Variants in ARSF observed in about 807,000 individuals in gnomAD.
ARSF encodes arylsulfatase F.
Under a neutral mutation model 35.4 loss-of-function variants are expected in ARSF, and 33 were observed. The ratio of observed to expected loss-of-function variants is 0.93; its 90% CI spans 0.71 to 1.25. The LOEUF (loss-of-function observed/expected upper bound fraction) is 1.25. Among genes scored for constraint, ARSF ranks in the 50% most tolerant of loss-of-function variants. The pLI is 0.00. For synonymous variants in ARSF, 222 were observed against 193.1 expected (o/e 1.15, Z -1.24); for missense variants, 501 against 480.2 (o/e 1.04, Z -0.40).
At chrX:3,074,374 A>T (rs893484541) in intron 3 of ARSF, among the ~76,000 whole-genome samples, 4 of 111,192 alleles carry the variant, frequency 3.6e-5, no homozygotes, top group Non-Finnish European at 5.7e-5. Flanking sequence ...CTGAAAAAAA[A>T]ATCAGATGCA....
At position 3,084,472 on chromosome X, in the gene ARSF, C is replaced by A. The variant is rs145640489; in HGVS notation, c.636C>A (p.Val212=). The A allele has an allele frequency of 9.3e-4, 1,125 of 1,209,258 alleles. 6 individuals are homozygous for A. In the African/African-American group the frequency reaches 0.017, roughly 18 times the overall value. The part of the protein sequence containing the change: ...TLTFGKLSGW[V]SVPWLLIFSM... ...CCTTTGGGAAGCTGAGCGGCTGGGTCTCTGTTCCCTGGCTCCTGATCTTCT... is the reference window on the plus strand; with the variant it reads ...CCTTTGGGAAGCTGAGCGGCTGGGTATCTGTTCCCTGGCTCCTGATCTTCT... The change falls in exon 6 of 11, where the codon GTC becomes GTA. Residue 212 remains valine, a synonymous_variant. Transcript: ENST00000381127.
intron 1 of ARSF, among the ~76,000 whole-genome samples, chrX:3,046,028 A>G (rs1212480794): frequency 9.1e-6 from 1 of 110,250 alleles, no homozygotes; most frequent in African/African-American, 3.3e-5. Context: ...GATTACAGGC[A>G]TGTGCCACCA....
At chrX:3,059,390 G>A (rs1197029200) in intron 1 of ARSF, among the ~76,000 whole-genome samples, 2 of 111,801 alleles carry the variant, frequency 1.8e-5, no homozygotes, top group Non-Finnish European at 3.8e-5. Flanking sequence ...ACAGAAAACG[G>A]GTGATTTCTG....
intron 1 of ARSF, among the ~76,000 whole-genome samples, chrX:3,056,563 C>T (rs901324288): frequency 1.8e-5 from 2 of 111,200 alleles, no homozygotes; most frequent in Non-Finnish European, 3.8e-5. Context: ...GCATGAGCCA[C>T]CACTCCTGGA....
chrX:3,093,058 C>T (rs55926992), intron 7 of ARSF, among the ~76,000 whole-genome samples: 10,013 of 109,515 alleles, frequency 0.091, 399 homozygotes, highest in African/African-American at 0.13. Flanking sequence ...CCCAGCTACT[C>T]GGGAGGCTGA....
chrX:3,110,107 G>C (rs1219115047), intron 9 of ARSF, 21 bp from the exon 10 acceptor site: 6 of 1,147,339 alleles, frequency 5.2e-6, no homozygotes, highest in Non-Finnish European at 7.0e-6. Context: ...TTCCTTATCT[G>C]CACTGTCTGT....
chrX:3,089,114 C>A (rs1306844536), intron 6 of ARSF, among the ~76,000 whole-genome samples: 3 of 112,086 alleles, frequency 2.7e-5, no homozygotes, highest in Non-Finnish European at 5.6e-5. Context: ...CATCCTGTAA[C>A]AGGATCTGTG....
intron 1 of ARSF, among the ~76,000 whole-genome samples, chrX:3,063,133 T>G (rs1008858520): frequency 2.7e-5 from 3 of 111,982 alleles, no homozygotes. Context: ...ATCCCTGGGA[T>G]GCAAGGCTGG....
Position 3,084,525 on chromosome X carries a change from GCTATGCTTGGTTCT to G in ARSF, c.691_704del (p.Tyr231GlnfsTer26). On this transcript the variant is annotated frameshift_variant, in exon 6 of 11. Transcript: ENST00000381127. LOFTEE classifies it high-confidence loss of function. Reference sequence around the variant, plus strand: ...ATGATTCTGTTTATTTTCCTCTTGGGCTATGCTTGGTTCTCCAGCCACACGTCCCCTTTATACTG... The same window carrying G: ...ATGATTCTGTTTATTTTCCTCTTGGGCCAGCCACACGTCCCCTTTATACTG... The G allele has an allele frequency of 8.3e-7, 1 of 1,211,265 alleles. No individual in the cohort carries two copies. The highest frequency in any genetic ancestry group is 1.1e-6 in the Non-Finnish European group (1 of 895,471).
At chrX:3,095,976 T>G (rs2090336068) in intron 7 of ARSF, among the ~76,000 whole-genome samples, 1 of 108,479 alleles carries the variant, frequency 9.2e-6, no homozygotes, top group South Asian at 3.8e-4. Flanking sequence ...ATAAAACATT[T>G]TTATTATATA....
intron 1 of ARSF, among the ~76,000 whole-genome samples, chrX:3,062,065 C>T (rs773071789): frequency 3.8e-4 from 42 of 111,822 alleles, no homozygotes; most frequent in African/African-American, 1.3e-3. Context: ...AAGCACTCCT[C>T]AGCAAATGTA....
intron 3 of ARSF, among the ~76,000 whole-genome samples, chrX:3,075,398 G>C (rs2090137943): frequency 9.1e-6 from 1 of 109,933 alleles, no homozygotes; most frequent in Non-Finnish European, 1.9e-5. Context: ...AGATCTCTCT[G>C]TCTCTCTCTC....
intron 1 of ARSF, among the ~76,000 whole-genome samples, chrX:3,056,354 C>T (rs927035935): frequency 9.3e-6 from 1 of 107,645 alleles, no homozygotes; most frequent in Non-Finnish European, 1.9e-5. Context: ...CGGCTCACTG[C>T]AACCTCTGCC....
intron 6 of ARSF, among the ~76,000 whole-genome samples, chrX:3,089,195 A>G (rs1427050965): frequency 1.8e-5 from 2 of 112,199 alleles, no homozygotes; most frequent in Non-Finnish European, 1.9e-5. Context: ...CCTCAGGATC[A>G]AAGCTGAGTA....
At chrX:3,103,968 C>G in intron 9 of ARSF, 44 bp downstream of exon 9, 1 of 1,175,030 alleles carries the variant, frequency 8.5e-7, no homozygotes, top group South Asian at 1.9e-5. Flanking sequence ...TTTCACCCTT[C>G]TTCCTTCTCA....
chrX:3,075,811 CTCTT>C (rs764903097), intron 3 of ARSF, among the ~76,000 whole-genome samples: 149 of 108,265 alleles, frequency 1.4e-3, no homozygotes, highest in African/African-American at 4.9e-3. Context: ...GTGTCTTTCT[CTCTT>C]TCCTTCTCTC....
At chrX:3,105,373 C>A (rs1269227893) in intron 9 of ARSF, among the ~76,000 whole-genome samples, 3 of 112,083 alleles carry the variant, frequency 2.7e-5, no homozygotes, top group African/African-American at 6.5e-5. Context: ...CGGGACTGAA[C>A]TTTAGATGAA....
At chrX:3,089,239 T>C (rs768123727) in intron 6 of ARSF, among the ~76,000 whole-genome samples, 1 of 111,227 alleles carries the variant, frequency 9.0e-6, no homozygotes, top group Non-Finnish European at 1.9e-5. Context: ...TTTCTCCCGC[T>C]CCCTTCCTCT....
intron 5 of ARSF, among the ~76,000 whole-genome samples, chrX:3,081,260 C>T (rs45538037): frequency 3.5e-4 from 39 of 111,762 alleles, no homozygotes; most frequent in Non-Finnish European, 6.8e-4. Flanking sequence ...ATTAGCTAGG[C>T]ATTGTGGCAT....
Sources: allele counts gnomAD v4.1 joint callset (sites outside exome capture counted in the v4.1 genomes callset), GRCh38; gene constraint gnomAD v4.1.1; transcripts MANE v1.5; gene names NCBI Gene and HGNC (gene_info 2026-07-23, HGNC 2026-07-21).